Variants in DYNC2I2 observed in about 807,000 individuals in gnomAD.
DYNC2I2 encodes the protein cytoplasmic dynein 2 intermediate chain 2.
In DYNC2I2, 39 loss-of-function variants were observed where a neutral mutation model predicts 52.0. That is an observed-to-expected ratio of 0.75 (90% CI 0.58 to 0.98). The LOEUF is 0.98. DYNC2I2 is among the 50% of genes least tolerant of loss of function. The pLI is 0.00. For missense variants in DYNC2I2, 743 were observed against 728.4 expected, an observed-to-expected ratio of 1.02 and a Z score of -0.23; for synonymous variants, 359 against 321.1, an observed-to-expected ratio of 1.12 and a Z score of -1.26.
Position 128,640,859 on chromosome 9 carries a change from C to T in DYNC2I2, c.267G>A (p.Thr89=), listed in dbSNP as rs137886760. Residue 89 remains threonine, a synonymous_variant, in exon 2 of 9, where the codon ACG becomes ACA. Transcript: ENST00000372715. ...GCACGCTGACAGGCACGGGGGCCTC[C>T]GTCTGCACCTGGGCGTCCACATGAT... is the stretch of plus-strand genomic sequence containing the variant. ...ARNHVDAQVQ[T]EAPVPVSVQP... 24 of 1,613,912 alleles carry T rather than the reference C, an allele frequency of 1.5e-5. No individual in the cohort carries two copies. The highest frequency in any genetic ancestry group is 2.2e-5 in the East Asian group (1 of 44,888).
intron 1 of DYNC2I2, among the ~76,000 whole-genome samples, chr9:128,649,385 G>A (rs1382525644): frequency 2.0e-5 from 3 of 152,014 alleles, no homozygotes; most frequent in Non-Finnish European, 2.9e-5. Context: ...TTGAGGCTGC[G>A]TGAGCTACGA....
At chr9:128,673,385 A>T in the DYNC2I2 span, among the ~76,000 whole-genome samples, 5 of 152,160 alleles carry the variant, frequency 3.3e-5, no homozygotes, top group Admixed American at 6.6e-5. Context: ...TCTGTCGCCC[A>T]GTCTGGAGTG....
At chr9:128,666,549 G>A in the DYNC2I2 span, among the ~76,000 whole-genome samples, 1 of 151,912 alleles carries the variant, frequency 6.6e-6, no homozygotes, top group African/African-American at 2.4e-5. Flanking sequence ...ATCACTTGAG[G>A]TCAAGAGTTC....
At position 128,656,760 on chromosome 9, in the gene DYNC2I2, C is replaced by T. The variant is rs369110837; in HGVS notation, c.-34G>A. Reference sequence around the variant, plus strand: ...TTCCGCCCTCTCGTGCGGACGCACTCAGGCGCGACCTCCGCCCCTACGCCG... The same window carrying T: ...TTCCGCCCTCTCGTGCGGACGCACTTAGGCGCGACCTCCGCCCCTACGCCG... On this transcript the variant is annotated 5_prime_UTR_variant, in exon 1 of 9. Coordinates refer to ENST00000372715, the MANE Select transcript of DYNC2I2 (RefSeq NM_052844.4). 927 of 1,325,032 alleles carry T rather than the reference C, an allele frequency of 7.0e-4. 1 individual carries two copies. The highest frequency in any genetic ancestry group is 1.1e-3 in the Middle Eastern group (4 of 3,558). 82.1% of individuals were successfully genotyped at this position (1,325,032 alleles called of 1,614,324 possible).
At chr9:128,681,440 T>C in the DYNC2I2 span, among the ~76,000 whole-genome samples, 1 of 152,232 alleles carries the variant, frequency 6.6e-6, no homozygotes, top group African/African-American at 2.4e-5. Flanking sequence ...TATCTCACAA[T>C]GTATTCATTC....
chr9:128,647,471 C>T (rs961066119), intron 1 of DYNC2I2, among the ~76,000 whole-genome samples: 1 of 152,168 alleles, frequency 6.6e-6, no homozygotes, highest in African/African-American at 2.4e-5. Flanking sequence ...CGCTATGGCT[C>T]ACGCCTGCAA....
chr9:128,634,459 C>A (rs1394822141), intron 7 of DYNC2I2, 76 bp from the exon 8 acceptor site: 1 of 1,504,446 alleles, frequency 6.6e-7, no homozygotes, highest in East Asian at 2.3e-5. Context: ...ACACCAGACC[C>A]CTCCTGGGCT....
At chr9:128,683,869 G>C in the DYNC2I2 span, 3 of 1,534,656 alleles carry the variant, frequency 2.0e-6, no homozygotes, top group Non-Finnish European at 1.8e-6. Flanking sequence ...GAGACTCGTG[G>C]TCTGGTTCTG....
chr9:128,680,221 C>T, the DYNC2I2 span, among the ~76,000 whole-genome samples: 25 of 151,926 alleles, frequency 1.6e-4, no homozygotes, highest in Admixed American at 1.3e-3. Flanking sequence ...CCACCACACC[C>T]GGCTAATTTT....
intron 2 of DYNC2I2, among the ~76,000 whole-genome samples, chr9:128,640,318 A>G (rs1860489185): frequency 6.6e-6 from 1 of 152,104 alleles, no homozygotes; most frequent in Non-Finnish European, 1.5e-5. Context: ...CCAAGGAGAC[A>G]TTCTTAAACT....
intron 4 of DYNC2I2, 172 bp downstream of exon 4, chr9:128,636,109 T>C (rs191518863): frequency 9.0e-5 from 94 of 1,043,020 alleles, no homozygotes; most frequent in Admixed American, 9.0e-4. Flanking sequence ...CTCCCCCGAG[T>C]TCCACCCCTC....
At chr9:128,668,967 A>G in the DYNC2I2 span, among the ~76,000 whole-genome samples, 1 of 152,030 alleles carries the variant, frequency 6.6e-6, no homozygotes, top group Non-Finnish European at 1.5e-5. Context: ...GCAGTGGCTC[A>G]CACCTGTAAT....
chr9:128,636,683 G>A (rs529046837), intron 3 of DYNC2I2, among the ~76,000 whole-genome samples: 5 of 152,292 alleles, frequency 3.3e-5, no homozygotes, highest in South Asian at 2.1e-4. Context: ...CTGGTGGGGC[G>A]GGCGAGGCAG....
chr9:128,641,976 TAC>T (rs142269423), intron 1 of DYNC2I2, among the ~76,000 whole-genome samples: 8,106 of 146,374 alleles, frequency 0.055, 700 homozygotes, highest in African/African-American at 0.18. Flanking sequence ...TTTATATACA[TAC>T]ACACACACAC....
chr9:128,656,514 C>A (rs1359894178), intron 1 of DYNC2I2, 27 bp downstream of exon 1: 2 of 1,265,190 alleles, frequency 1.6e-6, no homozygotes, highest in Non-Finnish European at 2.0e-6. Context: ...CCGCCCGCGT[C>A]GCTCCGCGCG....
chr9:128,663,154 A>G, the DYNC2I2 span: 1 of 151,980 alleles, frequency 6.6e-6, no homozygotes. Context: ...TGGATTATTT[A>G]TTTATCTATC....
rs1259849644 is a variant in DYNC2I2, at chr9:128,646,892, C to G, written c.187-5953G>C. On this transcript the variant is annotated intron_variant, in intron 1 of 8. Transcript: ENST00000372715. Reference sequence around the variant, plus strand: ...CTGTAATCCCAGCAATTTGGGAGGCCAAGGAAGGTGGATCACGAGGACAGG... The same window carrying G: ...CTGTAATCCCAGCAATTTGGGAGGCGAAGGAAGGTGGATCACGAGGACAGG... 2.0e-5 allele frequency among the ~76,000 whole-genome samples: 3 copies of G among 152,130 alleles called. No individual in the cohort carries two copies. The East Asian group carries it at 5.8e-4, about 29-fold the overall frequency.
intron 1 of DYNC2I2, among the ~76,000 whole-genome samples, chr9:128,647,216 G>A (rs536686614): frequency 7.9e-5 from 12 of 152,286 alleles, no homozygotes; most frequent in South Asian, 4.1e-4. Flanking sequence ...TTTGTGCTCC[G>A]GGATACCTAA....
chr9:128,642,536 C>T (rs905383588), intron 1 of DYNC2I2, among the ~76,000 whole-genome samples: 16 of 150,536 alleles, frequency 1.1e-4, no homozygotes, highest in African/African-American at 3.2e-4. Context: ...TTTGGGAGGC[C>T]GAGGCGGGCG....
Sources: allele counts gnomAD v4.1 joint callset (sites outside exome capture counted in the v4.1 genomes callset), GRCh38; gene constraint gnomAD v4.1.1; transcripts MANE v1.5; gene names NCBI Gene and HGNC (gene_info 2026-07-23, HGNC 2026-07-21).